AGBL3: variants seen among roughly 807,000 people sequenced by gnomAD.
The protein encoded by AGBL3 is cytosolic carboxypeptidase 3.
A neutral mutation model predicts 94.5 loss-of-function variants in AGBL3; 68 were observed. The ratio of observed to expected loss-of-function variants is 0.72; its 90% confidence interval spans 0.59 to 0.88. AGBL3 has a LOEUF of 0.88. Ranked by LOEUF, AGBL3 falls within the 40% of genes least tolerant of loss-of-function variation. AGBL3 has a pLI of 0.00. For missense variants in AGBL3, 934 were observed against 1,103.8 expected (o/e 0.85, Z 2.18); for synonymous variants, 354 against 370.7 (o/e 0.95, Z 0.52).
chr7:135,103,898 G>T (rs1585133233), intron 15 of AGBL3, among the ~76,000 whole-genome samples: 1 of 151,788 alleles, frequency 6.6e-6, no homozygotes, highest in Non-Finnish European at 1.5e-5. Context: ...TTAATGTAAG[G>T]ATGTTCATCA....
rs1829267632 is a variant in AGBL3 at position 135,134,897 on chromosome 7, C to A, written c.2399C>A (p.Pro800His). 6.4e-7 allele frequency: 1 copy of A among 1,551,040 alleles called. No individual in the cohort carries two copies. The highest frequency in any genetic ancestry group is 8.7e-7 in the Non-Finnish European group (1 of 1,146,612). Residue 800 changes from proline (P) to histidine (H), a missense_variant, in exon 17 of 17, where the codon CCC becomes CAC. Coordinates refer to ENST00000436302, the MANE Select transcript of AGBL3 (RefSeq NM_178563.4). ...AAATACAGCACATCTTGGACAGCAC[C>A]CAGAAATCACCCTTTTGTAATCCAA... The part of the protein sequence containing the change: ...IKKYSTSWTA[P>H]RNHPFVIQGD...
chr7:135,034,007 A>G (rs1330187404), intron 6 of AGBL3, 142 bp from the exon 7 acceptor site: 1 of 770,006 alleles, frequency 1.3e-6, no homozygotes, highest in Non-Finnish European at 1.9e-6. Flanking sequence ...TATCGTTTAC[A>G]TTGTTTCCTA....
chr7:135,004,464 A>G (rs917017611), intron 4 of AGBL3, among the ~76,000 whole-genome samples: 1 of 151,676 alleles, frequency 6.6e-6, no homozygotes, highest in Non-Finnish European at 1.5e-5. Flanking sequence ...AGCAGTTTCA[A>G]TAATGTTTTA....
intron 4 of AGBL3, chr7:135,010,588 A>G (rs953966248): frequency 6.6e-6 from 1 of 152,254 alleles, no homozygotes; most frequent in Non-Finnish European, 1.5e-5. Flanking sequence ...TGGTTGTATT[A>G]TGGTTATTTA....
chr7:135,080,807 A>G (rs1421147350), intron 14 of AGBL3, among the ~76,000 whole-genome samples: 1 of 149,910 alleles, frequency 6.7e-6, no homozygotes, highest in East Asian at 2.0e-4. Flanking sequence ...GGCAGGGGGA[A>G]TCATATAATT....
chr7:135,022,885 C>T (rs1814661108), intron 5 of AGBL3, among the ~76,000 whole-genome samples: 1 of 152,018 alleles, frequency 6.6e-6, no homozygotes. Context: ...ATCTTACTAG[C>T]TTTGCTTTAT....
Position 135,037,531 on chromosome 7 carries a change from T to TA in AGBL3, c.1452dup (p.Gln485ThrfsTer16). 1.3e-6 allele frequency: 2 copies of TA among 1,546,092 alleles called. No individual in the cohort carries two copies. Among genetic ancestry groups the TA allele is most frequent in the Non-Finnish European group, 8.7e-7 (1 of 1,144,422 alleles). On this transcript the variant is annotated frameshift_variant, in exon 8 of 17. Coordinates refer to ENST00000436302, the MANE Select transcript of AGBL3 (RefSeq NM_178563.4). LOFTEE classifies it high-confidence loss of function. ...AGTGACAGATCTAAGACATTATACT[T>TA]ACAGCAACGAATCTTCCCACTTATG... is the stretch of plus-strand genomic sequence containing the variant.
At chr7:135,109,241 G>C (rs1825239555) in intron 15 of AGBL3, among the ~76,000 whole-genome samples, 1 of 152,234 alleles carries the variant, frequency 6.6e-6, no homozygotes, top group Non-Finnish European at 1.5e-5. Context: ...GTCATTTGAA[G>C]GACATAAGAC....
intron 5 of AGBL3, among the ~76,000 whole-genome samples, chr7:135,022,594 C>T (rs1035643502): frequency 6.6e-6 from 1 of 151,938 alleles, no homozygotes; most frequent in Non-Finnish European, 1.5e-5. Context: ...CAAAAATTTT[C>T]TCCCATTCTG....
At chr7:135,119,164 T>A (rs1826755941) in intron 16 of AGBL3, among the ~76,000 whole-genome samples, 1 of 151,328 alleles carries the variant, frequency 6.6e-6, no homozygotes, top group Admixed American at 6.6e-5. Context: ...AACCTATAGA[T>A]CAAAAAGCTG....
At chr7:135,072,395 C>T (rs748423722) in intron 12 of AGBL3, among the ~76,000 whole-genome samples, 3 of 152,092 alleles carry the variant, frequency 2.0e-5, no homozygotes, top group Non-Finnish European at 4.4e-5. Flanking sequence ...ACCATTTGAC[C>T]CAGCCTTCCC....
At chr7:135,114,084 T>G (rs1825992982) in intron 15 of AGBL3, among the ~76,000 whole-genome samples, 1 of 149,328 alleles carries the variant, frequency 6.7e-6, no homozygotes, top group African/African-American at 2.5e-5. Context: ...ATACCTCATT[T>G]TGTTAATCCA....
At chr7:135,067,049 T>C (rs1191677129) in intron 12 of AGBL3, among the ~76,000 whole-genome samples, 1 of 152,154 alleles carries the variant, frequency 6.6e-6, no homozygotes, top group Non-Finnish European at 1.5e-5. Context: ...AATACTGCGC[T>C]CTTCCAACGG....
intron 14 of AGBL3, 30 bp downstream of exon 14, chr7:135,080,290 C>T (rs1180224837): frequency 6.5e-7 from 1 of 1,527,598 alleles, no homozygotes. Context: ...TTCTCATAAA[C>T]AATTAATTCA....
intron 12 of AGBL3, among the ~76,000 whole-genome samples, chr7:135,066,917 A>G (rs749608442): frequency 1.3e-5 from 2 of 152,214 alleles, no homozygotes; most frequent in Non-Finnish European, 2.9e-5. Context: ...TGCACCGAGC[A>G]TGAGCCGAAG....
chr7:135,012,148 G>GT (rs1813237774), intron 4 of AGBL3: 1 of 152,088 alleles, frequency 6.6e-6, no homozygotes, highest in African/African-American at 2.4e-5. Context: ...CAGCACAGAA[G>GT]AATACCATAC....
intron 15 of AGBL3, among the ~76,000 whole-genome samples, chr7:135,105,329 C>T (rs1824522638): frequency 8.3e-6 from 1 of 119,832 alleles, no homozygotes; most frequent in Admixed American, 8.5e-5. Flanking sequence ...CTCGGTCTCC[C>T]AAAGTGCTGG....
rs555151404 is a variant in AGBL3 at position 135,081,002 on chromosome 7, A to G, written c.2039-717A>G. Among the ~76,000 whole-genome samples, 7 of 152,006 alleles carry G rather than the reference A, an allele frequency of 4.6e-5. No individual in the cohort carries two copies. In the South Asian group the frequency reaches 1.5e-3, roughly 32 times the overall value. Reference sequence around the variant, plus strand: ...TTATGATGTAGCAAAATAATTAAAAATATAAGTGGAGATAAGAACCTAAGA... The same window carrying G: ...TTATGATGTAGCAAAATAATTAAAAGTATAAGTGGAGATAAGAACCTAAGA... On this transcript the variant is annotated intron_variant, in intron 14 of 16. Coordinates refer to ENST00000436302, the MANE Select transcript of AGBL3 (RefSeq NM_178563.4).
chr7:135,076,834 C>G (rs1357367796), intron 13 of AGBL3, among the ~76,000 whole-genome samples: 1 of 152,060 alleles, frequency 6.6e-6, no homozygotes. Flanking sequence ...ACCATGACAA[C>G]AGGAAGAGCT....
Sources: gnomAD v4.1 joint callset for allele counts (sites outside exome capture counted in the v4.1 genomes callset) on GRCh38, gnomAD v4.1.1 for gene constraint, MANE v1.5 for transcripts, NCBI Gene and HGNC (gene_info 2026-07-23, HGNC 2026-07-21) for gene names.